The following LIAS variants were observed in gnomAD, a reference collection of about 807,000 sequenced individuals.
LIAS encodes lipoyl synthase, mitochondrial.
In LIAS, 36 loss-of-function variants were observed where a neutral mutation model predicts 49.4. That is an observed-to-expected ratio of 0.73 (90% CI 0.56 to 0.96). The LOEUF (loss-of-function observed/expected upper bound fraction) is 0.96. Among genes scored for constraint, LIAS ranks in the 40% least tolerant of loss-of-function variants. LIAS has a pLI of 0.00. For missense variants in LIAS, 399 were observed against 456.3 expected (o/e 0.87, Z 1.14); for synonymous variants, 145 against 155.8 (o/e 0.93, Z 0.52).
In LIAS at chr4:39,459,132, C is replaced by G. The variant is rs1473782911; in HGVS notation, c.15C>G (p.Cys5Trp). The change falls in exon 1 of 11, where the codon TGC (cysteine) becomes TGG (tryptophan). Residue 5 changes from cysteine to tryptophan, a missense_variant. This residue lies in a region of LIAS where 159 missense variants were observed against 147.6 expected (regional missense o/e 1.08). Transcript: ENST00000640888. MSLR[C>W]GDAARTLGPR... is the part of the protein sequence containing the mutation. ...CTAAAGAGGAAATGTCTCTACGCTG[C>G]GGGGATGCAGCCCGCACCCTGGGGC... 6.2e-7 allele frequency: 1 copy of G among 1,613,946 alleles called. No individual in the cohort carries two copies. Among genetic ancestry groups the G allele is most frequent in the Admixed American group, 1.7e-5 (1 of 60,030 alleles).
At chr4:39,465,478 A>G in intron 6 of LIAS, 136 bp downstream of exon 6, 1 of 752,398 alleles carries the variant, frequency 1.3e-6, no homozygotes, top group Non-Finnish European at 2.1e-6. Flanking sequence ...ACTGGAAATT[A>G]TGTACACATT....
chr4:39,463,467 A>G (rs1028770533), intron 3 of LIAS, 58 bp from the exon 4 acceptor site: 4 of 1,478,108 alleles, frequency 2.7e-6, no homozygotes, highest in Non-Finnish European at 2.7e-6. Context: ...ACAGTCACCA[A>G]CTGTTTAGTT....
At chr4:39,464,720 CCT>C (rs1163438249) in intron 4 of LIAS, among the ~76,000 whole-genome samples, 1 of 152,148 alleles carries the variant, frequency 6.6e-6, no homozygotes, top group African/African-American at 2.4e-5. Flanking sequence ...TCTTAACAAT[CCT>C]CTCACCTCAG....
At chr4:39,469,876 A>T in intron 7 of LIAS, 143 bp from the exon 8 acceptor site, 1 of 597,638 alleles carries the variant, frequency 1.7e-6, no homozygotes. Flanking sequence ...ATTAACAGGC[A>T]TCTGTGCATA....
intron 1 of LIAS, among the ~76,000 whole-genome samples, chr4:39,460,490 C>T (rs1189999328): frequency 1.4e-5 from 2 of 148,030 alleles, no homozygotes; most frequent in South Asian, 2.1e-4. Context: ...GCCAAGATTG[C>T]GCCACTGCAC....
intron 1 of LIAS, among the ~76,000 whole-genome samples, chr4:39,459,640 T>G (rs1035690471): frequency 6.6e-6 from 1 of 152,218 alleles, no homozygotes; most frequent in African/African-American, 2.4e-5. Flanking sequence ...GTGGATTTTG[T>G]AGTGTTTTGG....
intron 10 of LIAS, chr4:39,475,577 T>G (rs1475498897): frequency 6.6e-6 from 1 of 152,114 alleles, no homozygotes; most frequent in African/African-American, 2.4e-5. Flanking sequence ...TATAAAGACA[T>G]TTAAGGCCGG....
At position 39,471,326 on chromosome 4, in the gene LIAS, CTTTTTT is replaced by C; in HGVS notation, c.954+32_954+37del. On this transcript the variant is annotated intron_variant, in intron 9 of 10. Transcript: ENST00000640888. ...CTTAAGGTACATGTATCTTGATTTG[CTTTTTT>C]TTTTTTTTTTTATTTTTAAAGATGG... 10 of 1,242,596 alleles carry C rather than the reference CTTTTTT, an allele frequency of 8.0e-6. No individual in the cohort carries two copies. Among genetic ancestry groups the C allele is most frequent in the African/African-American group, 1.6e-5 (1 of 61,768 alleles). The allele number at this position is 1,242,596 out of a possible 1,614,324, so 77.0% of individuals were successfully genotyped here. A position where few individuals can be genotyped will look rare whatever the true frequency, so the allele number is the denominator to read the frequency against.
chr4:39,468,502 A>AAAAAATATAT lies in LIAS; in HGVS notation c.737+857_737+858insAAAATATATA, dbSNP rs140159831. ...ATCTAGAAAGAGAAAGGAAAAAAAA[A>AAAAAATATAT]ATATATATATATATATATATTTTTT... is the stretch of plus-strand genomic sequence containing the variant. On this transcript the variant is annotated intron_variant, in intron 7 of 10. Transcript: ENST00000640888. 9.5e-4 allele frequency: 119 copies of AAAAAATATAT among 125,138 alleles called. 1 individual carries two copies. Among genetic ancestry groups the AAAAAATATAT allele is most frequent in the African/African-American group, 3.2e-3 (108 of 33,688 alleles). 7.8% of individuals were successfully genotyped at this position (125,138 alleles called of 1,614,324 possible).
At chr4:39,459,229 C>A (rs902063655) in intron 1 of LIAS, 67 bp downstream of exon 1, 1 of 1,443,062 alleles carries the variant, frequency 6.9e-7, no homozygotes, top group Admixed American at 2.0e-5. Context: ...AGCGCCCATG[C>A]CCAATAATAA....
intron 10 of LIAS, among the ~76,000 whole-genome samples, chr4:39,474,450 A>T (rs988874649): frequency 5.3e-5 from 8 of 151,754 alleles, no homozygotes; most frequent in Admixed American, 3.3e-4. Flanking sequence ...TAAAATAAAA[A>T]AAAGAAACAG....
chr4:39,460,910 A>C lies in LIAS; in HGVS notation c.166A>C (p.Arg56=), dbSNP rs766748889. 6.2e-7 allele frequency: 1 copy of C among 1,613,056 alleles called. No homozygotes were observed. Among genetic ancestry groups the C allele is most frequent in the Non-Finnish European group, 8.5e-7 (1 of 1,179,576 alleles). Residue 56 remains arginine (R), a synonymous_variant, in exon 2 of 11, where the codon AGG becomes CGG. Coordinates refer to ENST00000640888, the MANE Select transcript of LIAS (RefSeq NM_006859.4). ...TTTTGTATCTGGTGATCTTGCAGAC[A>C]GGAGCACCTGGGATGAATATAAAGG... ...QDFVSGDLAD[R]STWDEYKGNL...
At chr4:39,464,535 C>T (rs951553156) in intron 4 of LIAS, among the ~76,000 whole-genome samples, 5 of 152,112 alleles carry the variant, frequency 3.3e-5, no homozygotes, top group Non-Finnish European at 7.3e-5. Flanking sequence ...CTCACTCTGT[C>T]ACCCAGGCTG....
At chr4:39,469,677 A>C (rs1744904595) in intron 7 of LIAS, 1 of 189,436 alleles carries the variant, frequency 5.3e-6, no homozygotes, top group Non-Finnish European at 1.1e-5. Context: ...ATGTGGGTTC[A>C]GCTTATTTTT....
rs1174512301 is a variant in LIAS at position 39,460,834 on chromosome 4, C to A, written c.90C>A (p.Ser30=). The A allele has an allele frequency of 6.2e-7, 1 of 1,604,990 alleles. No individual in the cohort carries two copies. The highest frequency in any genetic ancestry group is 8.5e-7 in the Non-Finnish European group (1 of 1,177,184). The change falls in exon 2 of 11, where the codon TCC becomes TCA. Residue 30 remains serine, a synonymous_variant. Transcript: ENST00000640888. The part of the protein sequence containing the change: ...YFCSPVRPLS[S]LPDKKKELLQ... ...GCAGCCCAGTCAGACCGTTAAGCTC[C>A]TTGCCAGATAAAAAAAAGGAACTCC... is the stretch of plus-strand genomic sequence containing the variant.
At chr4:39,473,065 C>G (rs576853535) in intron 9 of LIAS, 35 bp from the exon 10 acceptor site, 1 of 1,275,468 alleles carries the variant, frequency 7.8e-7, no homozygotes, top group African/African-American at 1.5e-5. Context: ...AAGTGGAATT[C>G]TAAAATCTGA....
chr4:39,466,345 T>C (rs1465979073), intron 6 of LIAS: 1 of 152,178 alleles, frequency 6.6e-6, no homozygotes, highest in Non-Finnish European at 1.5e-5. Flanking sequence ...TTCTATTTAC[T>C]ATAGTTCATT....
In LIAS at chr4:39,478,912, G is replaced by T. The variant is rs1745299564; in HGVS notation, c.*1797G>T. The T allele has an allele frequency of 6.6e-6, 1 of 152,108 alleles. No individual in the cohort carries two copies. Among genetic ancestry groups the T allele is most frequent in the Non-Finnish European group, 1.5e-5 (1 of 68,014 alleles). The allele number at this position is 152,108 out of a possible 1,614,324, so 9.4% of individuals were successfully genotyped here. A position where few individuals can be genotyped will look rare whatever the true frequency, so the allele number is the denominator to read the frequency against. ...CTTATAACGAGCCAGTATTATAAAAGTAATGCACATCCTTGCCAGGTGTGG... is the reference window on the plus strand; with the variant it reads ...CTTATAACGAGCCAGTATTATAAAATTAATGCACATCCTTGCCAGGTGTGG... On this transcript the variant is annotated 3_prime_UTR_variant, in exon 11 of 11. Coordinates refer to ENST00000640888, the MANE Select transcript of LIAS (RefSeq NM_006859.4).
intron 6 of LIAS, chr4:39,467,117 A>G (rs1234566707): frequency 6.6e-6 from 1 of 152,384 alleles, no homozygotes; most frequent in Non-Finnish European, 1.5e-5. Context: ...AAAGCAATCA[A>G]ATAATACTCA....
Sources: gnomAD v4.1 joint callset for allele counts (sites outside exome capture counted in the v4.1 genomes callset) on GRCh38, gnomAD v4.1.1 for gene constraint, gnomAD v4.1.1 regional missense constraint, MANE v1.5 for transcripts, NCBI Gene and HGNC (gene_info 2026-07-23, HGNC 2026-07-21) for gene names.